The following P4HA1 variants were observed in gnomAD, a reference collection of about 807,000 sequenced individuals.
The protein encoded by P4HA1 is prolyl 4-hydroxylase subunit alpha-1.
P4HA1 carries 24 observed loss-of-function variants against 72.8 expected under a neutral mutation model. The observed-to-expected ratio is 0.33, with a 90% CI of 0.24 to 0.46. P4HA1 has a LOEUF of 0.46. Among genes scored for constraint, P4HA1 ranks in the 20% least tolerant of loss-of-function variants. The pLI is 1.00. For missense variants in P4HA1, 446 were observed against 640.6 expected, an observed-to-expected ratio of 0.70 and a Z score of 3.28; for synonymous variants, 201 against 218.8, an observed-to-expected ratio of 0.92 and a Z score of 0.72.
chr10:73,060,867 T>TA (rs1320493282), intron 5 of P4HA1, among the ~76,000 whole-genome samples: 1 of 152,022 alleles, frequency 6.6e-6, no homozygotes, highest in Non-Finnish European at 1.5e-5. Context: ...AGATCACTAC[T>TA]AAAAATGGTT....
At chr10:73,058,192 T>C (rs1470589192) in intron 5 of P4HA1, among the ~76,000 whole-genome samples, 1 of 150,288 alleles carries the variant, frequency 6.7e-6, no homozygotes, top group East Asian at 2.0e-4. Context: ...GGACGCGCTC[T>C]AGCAGGGTGG....
intron 5 of P4HA1, among the ~76,000 whole-genome samples, chr10:73,066,303 A>G (rs1841421021): frequency 1.3e-5 from 2 of 152,218 alleles, no homozygotes; most frequent in South Asian, 4.1e-4. Flanking sequence ...AAACTGTGAT[A>G]AAAGAGGAAA....
chr10:73,014,987 C>T (rs1338732312), intron 11 of P4HA1, among the ~76,000 whole-genome samples: 2 of 151,890 alleles, frequency 1.3e-5, no homozygotes, highest in African/African-American at 2.4e-5. Context: ...TACCACCATG[C>T]CTGGCTAATT....
At chr10:73,038,234 G>A (rs1017125865) in intron 9 of P4HA1, among the ~76,000 whole-genome samples, 4 of 152,084 alleles carry the variant, frequency 2.6e-5, no homozygotes, top group Admixed American at 6.6e-5. Context: ...CAGCCTGGGC[G>A]ACAGAGTGAG....
At chr10:73,078,985 T>C (rs1485634834) in intron 1 of P4HA1, among the ~76,000 whole-genome samples, 1 of 152,186 alleles carries the variant, frequency 6.6e-6, no homozygotes, top group Non-Finnish European at 1.5e-5. Context: ...AAAAATTAAC[T>C]TCGTACAAAA....
intron 10 of P4HA1, among the ~76,000 whole-genome samples, chr10:73,020,995 C>G (rs976918462): frequency 2.0e-5 from 3 of 152,020 alleles, no homozygotes; most frequent in Admixed American, 2.0e-4. Context: ...ATTAGCTGGG[C>G]ATGGTGGCAG....
Position 73,074,682 on chromosome 10 carries a change from T to A in P4HA1, c.76+126A>T, listed in dbSNP as rs972710659. 6.6e-6 allele frequency: 4 copies of A among 607,408 alleles called. No homozygotes were observed. In the African/African-American group the frequency reaches 7.7e-5, roughly 12 times the overall value. The allele number at this position is 607,408 out of a possible 1,614,324, so 37.6% of individuals were successfully genotyped here. A position where few individuals can be genotyped will look rare whatever the true frequency, so the allele number is the denominator to read the frequency against. ...GTCAAATTATTAAAAAAGGACCTTT[T>A]AGGGGGCAGGGAATAAACCTATACT... On this transcript the variant is annotated intron_variant, in intron 2 of 14. Coordinates refer to ENST00000394890, the MANE Select transcript of P4HA1 (RefSeq NM_001017962.3).
chr10:73,011,101 T>C (rs1363279548), intron 12 of P4HA1, 64 bp from the exon 13 acceptor site: 5 of 1,194,298 alleles, frequency 4.2e-6, no homozygotes, highest in Non-Finnish European at 6.2e-6. Context: ...TGCCATTATA[T>C]AGACTTGATA....
intron 6 of P4HA1, 34 bp downstream of exon 6, chr10:73,053,317 A>G: frequency 6.2e-7 from 1 of 1,600,200 alleles, no homozygotes; most frequent in Non-Finnish European, 8.5e-7. Flanking sequence ...CCCTCAATAT[A>G]ACTATAACCT....
rs12261668 is a variant in P4HA1, at chr10:73,016,799, T to G, written c.1302+47A>C. On this transcript the variant is annotated intron_variant, in intron 11 of 14. Transcript: ENST00000394890. Reference sequence around the variant, plus strand: ...TTTTGTTTTGTTTTGAGACAAACAATGTAATGCATAAGCCTCAGTGAATTT... The same window carrying G: ...TTTTGTTTTGTTTTGAGACAAACAAGGTAATGCATAAGCCTCAGTGAATTT... 12,055 of 1,357,846 alleles carry G rather than the reference T, an allele frequency of 8.9e-3. 601 individuals carry two copies. The African/African-American group carries it at 0.12, about 14-fold the overall frequency. 84.1% of individuals were successfully genotyped at this position (1,357,846 alleles called of 1,614,324 possible). A position where few individuals can be genotyped will look rare whatever the true frequency, so the allele number is the denominator to read the frequency against.
intron 1 of P4HA1, among the ~76,000 whole-genome samples, chr10:73,080,580 CTT>C (rs972761011): frequency 3.9e-5 from 6 of 152,204 alleles, no homozygotes; most frequent in African/African-American, 1.4e-4. Flanking sequence ...CATTCAGAAA[CTT>C]TAAGTGACAT....
chr10:73,072,932 G>C (rs925748977), intron 3 of P4HA1, among the ~76,000 whole-genome samples: 1 of 152,126 alleles, frequency 6.6e-6, no homozygotes, highest in Admixed American at 6.5e-5. Flanking sequence ...CACTCTGGGA[G>C]GCTGAGGAGG....
At chr10:73,075,213 T>C (rs927951000) in intron 1 of P4HA1, among the ~76,000 whole-genome samples, 2 of 152,148 alleles carry the variant, frequency 1.3e-5, no homozygotes, top group African/African-American at 4.8e-5. Context: ...GTTCAAGCGA[T>C]TCTCATGCCT....
Position 73,030,185 on chromosome 10 carries a change from G to C in P4HA1, c.1248+86C>G, listed in dbSNP as rs1840402090. ...AAGGTCCCAAACTATCATGCAAATT[G>C]AGGACTGCCTGTTCAGTGTCAGGAA... On this transcript the variant is annotated intron_variant, in intron 10 of 14. Transcript: ENST00000394890. 9.1e-6 allele frequency: 5 copies of C among 549,556 alleles called. No individual in the cohort carries two copies. The African/African-American group carries it at 9.4e-5, about 10-fold the overall frequency. The allele number at this position is 549,556 out of a possible 1,614,324, so 34.0% of individuals were successfully genotyped here. A position where few individuals can be genotyped will look rare whatever the true frequency, so the allele number is the denominator to read the frequency against.
chr10:73,021,110 G>A (rs1398641823), intron 10 of P4HA1, among the ~76,000 whole-genome samples: 2 of 152,070 alleles, frequency 1.3e-5, no homozygotes, highest in East Asian at 3.9e-4. Flanking sequence ...ACTCCAGCCT[G>A]GGCAAGAGAG....
chr10:73,083,244 A>C (rs1307922082), intron 1 of P4HA1, among the ~76,000 whole-genome samples: 3 of 152,172 alleles, frequency 2.0e-5, no homozygotes, highest in Non-Finnish European at 4.4e-5. Flanking sequence ...TTCTGTTCTT[A>C]AAAGAAGAGT....
chr10:73,073,706 C>A, intron 3 of P4HA1, 25 bp downstream of exon 3: 2 of 1,023,280 alleles, frequency 2.0e-6, no homozygotes, highest in South Asian at 2.5e-5. Context: ...GAGTCAGAGT[C>A]ATAATAAGCA....
chr10:73,061,625 C>G (rs1392583015), intron 5 of P4HA1, among the ~76,000 whole-genome samples: 1 of 151,916 alleles, frequency 6.6e-6, no homozygotes, highest in Non-Finnish European at 1.5e-5. Context: ...ACCAGCTGGG[C>G]GCAGGTGACT....
chr10:73,090,706 GT>G (rs1842010308), intron 1 of P4HA1, among the ~76,000 whole-genome samples: 2 of 152,012 alleles, frequency 1.3e-5, no homozygotes, highest in Non-Finnish European at 2.9e-5. Context: ...CAATATTAAG[GT>G]TTTTTAAATT....
Sources: allele counts gnomAD v4.1 joint callset (sites outside exome capture counted in the v4.1 genomes callset), GRCh38; gene constraint gnomAD v4.1.1; transcripts MANE v1.5; gene names NCBI Gene and HGNC (gene_info 2026-07-23, HGNC 2026-07-21).